GABBR2: variants seen among roughly 807,000 people sequenced by gnomAD.
GABBR2 encodes the protein gamma-aminobutyric acid type B receptor subunit 2.
GABBR2 carries 23 observed loss-of-function variants against 105.6 expected under a neutral mutation model. That is an observed-to-expected ratio of 0.22 (90% CI 0.16 to 0.31). The LOEUF (loss-of-function observed/expected upper bound fraction) is 0.31. GABBR2 is among the 10% of genes least tolerant of loss of function. GABBR2 has a pLI of 1.00. For missense variants in GABBR2, 734 were observed against 1,245.5 expected (o/e 0.59, Z 6.18); for synonymous variants, 478 against 499.7 (o/e 0.96, Z 0.58).
At chr9:98,428,731 G>A (rs1825743763) in intron 7 of GABBR2, among the ~76,000 whole-genome samples, 2 of 152,206 alleles carry the variant, frequency 1.3e-5, no homozygotes, top group African/African-American at 4.8e-5. Flanking sequence ...GGGACTAGCA[G>A]GGATTTTGCT....
intron 1 of GABBR2, among the ~76,000 whole-genome samples, chr9:98,599,931 G>A (rs922065584): frequency 6.6e-6 from 1 of 152,102 alleles, no homozygotes; most frequent in African/African-American, 2.4e-5. Context: ...GGCAGAGCAG[G>A]AGCTCCACAG....
chr9:98,452,003 A>C (rs1826240322), intron 7 of GABBR2, among the ~76,000 whole-genome samples: 1 of 152,216 alleles, frequency 6.6e-6, no homozygotes, highest in Admixed American at 6.5e-5. Context: ...CTTGGGCTCA[A>C]ATAGTTTCTC....
chr9:98,351,397 G>A (rs1227243314), intron 13 of GABBR2, among the ~76,000 whole-genome samples: 1 of 133,716 alleles, frequency 7.5e-6, no homozygotes, highest in Non-Finnish European at 1.6e-5. Context: ...TTTCTTATTC[G>A]TGTCTCTTCT....
chr9:98,349,379 T>TTTTTG (rs1831357663), intron 13 of GABBR2, among the ~76,000 whole-genome samples: 1 of 110,570 alleles, frequency 9.0e-6, no homozygotes, highest in Non-Finnish European at 1.8e-5. Flanking sequence ...TTTTTTTTTT[T>TTTTTG]CGGGACAGAG....
chr9:98,489,135 T>C (rs963127790), intron 4 of GABBR2, among the ~76,000 whole-genome samples: 28 of 152,362 alleles, frequency 1.8e-4, no homozygotes, highest in African/African-American at 6.5e-4. Flanking sequence ...AAACTTTATT[T>C]ACAAACACAG....
At chr9:98,513,481 G>C (rs1588205879) in intron 3 of GABBR2, among the ~76,000 whole-genome samples, 1 of 151,596 alleles carries the variant, frequency 6.6e-6, no homozygotes, top group African/African-American at 2.4e-5. Flanking sequence ...CCTACAGAAT[G>C]GGAGAAAATT....
At chr9:98,590,111 T>G (rs1017470654) in intron 1 of GABBR2, among the ~76,000 whole-genome samples, 3 of 152,192 alleles carry the variant, frequency 2.0e-5, no homozygotes, top group African/African-American at 7.2e-5. Flanking sequence ...ACATCCTAGC[T>G]GGACTAAATT....
chr9:98,464,527 T>TG (rs1360130573), intron 6 of GABBR2, among the ~76,000 whole-genome samples: 1 of 148,322 alleles, frequency 6.7e-6, no homozygotes, highest in Non-Finnish European at 1.5e-5. Context: ...GTCTGGGAGG[T>TG]GGGGGGCGCC....
intron 8 of GABBR2, among the ~76,000 whole-genome samples, chr9:98,405,154 G>A (rs565999612): frequency 1.3e-5 from 2 of 152,250 alleles, no homozygotes; most frequent in Admixed American, 1.3e-4. Flanking sequence ...CAAAATGAAA[G>A]AAGATTGGCA....
At chr9:98,569,228 G>C (rs892628750) in intron 2 of GABBR2, among the ~76,000 whole-genome samples, 1 of 152,090 alleles carries the variant, frequency 6.6e-6, no homozygotes. Flanking sequence ...GCTCACTTGC[G>C]TGCTCTGTGG....
chr9:98,494,645 G>A (rs866008396), intron 4 of GABBR2, among the ~76,000 whole-genome samples: 1 of 152,192 alleles, frequency 6.6e-6, no homozygotes, highest in South Asian at 2.1e-4. Flanking sequence ...GTGAAACAGG[G>A]ATACAAAAAT....
intron 8 of GABBR2, among the ~76,000 whole-genome samples, chr9:98,394,532 G>A (rs1832252496): frequency 6.6e-6 from 1 of 152,212 alleles, no homozygotes; most frequent in Admixed American, 6.5e-5. Context: ...TACTCTGTCT[G>A]GTACCAAGTT....
chr9:98,507,935 T>C (rs1371510641), intron 3 of GABBR2, among the ~76,000 whole-genome samples: 1 of 152,170 alleles, frequency 6.6e-6, no homozygotes, highest in East Asian at 1.9e-4. Context: ...GTCTTCCCTT[T>C]GGCCCTCATT....
intron 4 of GABBR2, among the ~76,000 whole-genome samples, chr9:98,484,173 A>C (rs1826991021): frequency 6.6e-6 from 1 of 152,190 alleles, no homozygotes; most frequent in Admixed American, 6.5e-5. Context: ...ACCTGCTGAC[A>C]GTTAAATAAC....
chr9:98,560,465 G>GCA (rs753117164), intron 2 of GABBR2, among the ~76,000 whole-genome samples: 8 of 141,784 alleles, frequency 5.6e-5, no homozygotes, highest in East Asian at 2.1e-4. Flanking sequence ...ATATATACAT[G>GCA]CACACACACA....
intron 7 of GABBR2, among the ~76,000 whole-genome samples, chr9:98,432,764 C>G (rs1825836339): frequency 6.6e-6 from 1 of 152,142 alleles, no homozygotes; most frequent in Non-Finnish European, 1.5e-5. Context: ...TGCCAGGCAC[C>G]ATCTCCTCTA....
chr9:98,657,199 A>G (rs1830195318), intron 1 of GABBR2, among the ~76,000 whole-genome samples: 1 of 152,184 alleles, frequency 6.6e-6, no homozygotes, highest in Admixed American at 6.5e-5. Context: ...CCCCATCTTT[A>G]GGGCTTTACC....
intron 1 of GABBR2, among the ~76,000 whole-genome samples, chr9:98,596,198 C>T (rs998130985): frequency 2.0e-5 from 3 of 152,194 alleles, no homozygotes; most frequent in East Asian, 1.9e-4. Context: ...CCCCCATAAA[C>T]GAGGATGATA....
At chr9:98,433,033 A>C (rs1159075272) in intron 7 of GABBR2, among the ~76,000 whole-genome samples, 3 of 152,226 alleles carry the variant, frequency 2.0e-5, no homozygotes, top group Non-Finnish European at 4.4e-5. Context: ...CTCTGTTCAC[A>C]GGAGACTTTA....
Sources: gnomAD v4.1 joint callset for allele counts (sites outside exome capture counted in the v4.1 genomes callset) on GRCh38, gnomAD v4.1.1 for gene constraint, MANE v1.5 for transcripts, NCBI Gene and HGNC (gene_info 2026-07-23, HGNC 2026-07-21) for gene names.